CDH13: variants seen among roughly 807,000 people sequenced by gnomAD.
The protein encoded by CDH13 is cadherin 13, also known as cadherin-13.
Under a neutral mutation model 63.8 loss-of-function variants are expected in CDH13, and 24 were observed. That is an observed-to-expected ratio of 0.38 (90% CI 0.27 to 0.53). The LOEUF (loss-of-function observed/expected upper bound fraction) is 0.53. Among genes scored for constraint, CDH13 ranks in the 20% least tolerant of loss-of-function variants. The pLI is 0.85. For synonymous variants in CDH13, 503 were observed against 355.3 expected, an observed-to-expected ratio of 1.42 and a Z score of -4.67; for missense variants, 1,049 against 903.1, an observed-to-expected ratio of 1.16 and a Z score of -2.07.
chr16:83,485,053 T>C (rs1426300419), intron 6 of CDH13, among the ~76,000 whole-genome samples: 1 of 152,160 alleles, frequency 6.6e-6, no homozygotes, highest in Non-Finnish European at 1.5e-5. Flanking sequence ...AATTAATATA[T>C]CTTGAAGAGT....
chr16:83,018,773 A>T (rs1037856143), intron 2 of CDH13, among the ~76,000 whole-genome samples: 22 of 152,364 alleles, frequency 1.4e-4, no homozygotes, highest in South Asian at 2.1e-4. Context: ...GGCTACTAAC[A>T]TATATAGCAC....
intron 10 of CDH13, among the ~76,000 whole-genome samples, chr16:83,700,878 C>G (rs529756829): frequency 1.3e-5 from 2 of 152,152 alleles, no homozygotes; most frequent in African/African-American, 4.8e-5. Flanking sequence ...TCCTGGGGAG[C>G]TGAGTTGTGT....
At chr16:83,059,164 G>A (rs1374559459) in intron 3 of CDH13, among the ~76,000 whole-genome samples, 1 of 152,088 alleles carries the variant, frequency 6.6e-6, no homozygotes, top group Non-Finnish European at 1.5e-5. Flanking sequence ...CTGTACACAG[G>A]GGCTTCATTT....
At chr16:83,463,905 A>G (rs141302731) in intron 6 of CDH13, among the ~76,000 whole-genome samples, 1 of 152,196 alleles carries the variant, frequency 6.6e-6, no homozygotes. Flanking sequence ...AAGACAGTGC[A>G]GTCCTTCTGT....
At chr16:83,733,617 A>G (rs575268400) in intron 10 of CDH13, among the ~76,000 whole-genome samples, 6 of 152,262 alleles carry the variant, frequency 3.9e-5, no homozygotes, top group South Asian at 4.2e-4. Flanking sequence ...GAAAGTGGCA[A>G]TATCCATGCT....
rs150464811 is a variant in CDH13, at chr16:82,664,596, A to C, written c.45+37459A>C. Among the ~76,000 whole-genome samples, 886 of 152,314 alleles carry C rather than the reference A, an allele frequency of 5.8e-3. 13 individuals carry two copies. Among genetic ancestry groups the C allele is most frequent in the African/African-American group, 0.02 (837 of 41,568 alleles). On this transcript the variant is annotated intron_variant, in intron 1 of 13. Coordinates refer to ENST00000567109, the MANE Select transcript of CDH13 (RefSeq NM_001257.5). Reference sequence around the variant, plus strand: ...CCTTTACATTTGATGACTGGGAGAAAGGACCCAAGTTTTTCCTGTGTGTTT... The same window carrying C: ...CCTTTACATTTGATGACTGGGAGAACGGACCCAAGTTTTTCCTGTGTGTTT...
intron 1 of CDH13, among the ~76,000 whole-genome samples, chr16:82,666,147 C>CA (rs1309172277): frequency 2.0e-5 from 3 of 151,832 alleles, no homozygotes; most frequent in Middle Eastern, 3.4e-3. Context: ...GTTTTTTTGC[C>CA]AAAAAATATA....
chr16:83,791,172 C>T (rs1204011032), intron 13 of CDH13, among the ~76,000 whole-genome samples: 1 of 151,922 alleles, frequency 6.6e-6, no homozygotes, highest in East Asian at 1.9e-4. Context: ...GAAAAAAAAG[C>T]CCCACCCCAT....
At chr16:83,463,824 G>A (rs1465115314) in intron 6 of CDH13, among the ~76,000 whole-genome samples, 1 of 152,056 alleles carries the variant, frequency 6.6e-6, no homozygotes, top group Non-Finnish European at 1.5e-5. Context: ...CAAAGAAAGT[G>A]GCTTGGAGCA....
At chr16:83,436,474 T>TA (rs60903960) in intron 6 of CDH13, among the ~76,000 whole-genome samples, 4,555 of 148,384 alleles carry the variant, frequency 0.031, 195 homozygotes, top group African/African-American at 0.097. Flanking sequence ...TGAATCTAAT[T>TA]AAAAAAAAAA....
intron 2 of CDH13, among the ~76,000 whole-genome samples, chr16:82,967,264 C>A (rs571238465): frequency 1.3e-5 from 2 of 152,290 alleles, no homozygotes; most frequent in African/African-American, 4.8e-5. Context: ...CCTCTACCTC[C>A]ACATTTTAGG....
intron 3 of CDH13, among the ~76,000 whole-genome samples, chr16:83,034,488 T>C (rs992865364): frequency 6.6e-6 from 1 of 152,224 alleles, no homozygotes; most frequent in Non-Finnish European, 1.5e-5. Context: ...TACTTAGCCA[T>C]GACCAATGGT....
At chr16:82,987,841 C>T (rs1911145451) in intron 2 of CDH13, among the ~76,000 whole-genome samples, 2 of 152,136 alleles carry the variant, frequency 1.3e-5, no homozygotes, top group African/African-American at 4.8e-5. Context: ...GTTGGGTTGC[C>T]CCATCTCTTG....
intron 7 of CDH13, among the ~76,000 whole-genome samples, chr16:83,489,473 A>T (rs1336083629): frequency 1.3e-5 from 2 of 152,198 alleles, no homozygotes; most frequent in Admixed American, 6.5e-5. Flanking sequence ...AAGGAAAGAA[A>T]TGTCCCTAAA....
At chr16:82,922,237 G>A (rs4273030) in intron 2 of CDH13, among the ~76,000 whole-genome samples, 54,395 of 151,932 alleles carry the variant, frequency 0.36, 10,746 homozygotes, top group Non-Finnish European at 0.45. Flanking sequence ...GATTTTCTCT[G>A]ATGCATTTGT....
chr16:83,090,745 A>G (rs2033866219), intron 3 of CDH13, among the ~76,000 whole-genome samples: 2 of 152,186 alleles, frequency 1.3e-5, no homozygotes, highest in South Asian at 2.1e-4. Context: ...TAAAACAACA[A>G]TTAGACCCTT....
chr16:83,760,082 T>C (rs1374508979), intron 11 of CDH13, among the ~76,000 whole-genome samples: 4 of 152,030 alleles, frequency 2.6e-5, no homozygotes, highest in Non-Finnish European at 5.9e-5. Flanking sequence ...CTCAACTTAA[T>C]TAAATAAAGA....
intron 2 of CDH13, among the ~76,000 whole-genome samples, chr16:82,932,771 A>G (rs1357165022): frequency 6.6e-6 from 1 of 152,222 alleles, no homozygotes. Context: ...TTCAGAAGTG[A>G]AAAATAATTT....
At chr16:82,648,013 C>T (rs1424327960) in intron 1 of CDH13, among the ~76,000 whole-genome samples, 1 of 152,156 alleles carries the variant, frequency 6.6e-6, no homozygotes, top group South Asian at 2.1e-4. Flanking sequence ...GGGCAGTTCC[C>T]CTGCACATGC....
Sources: gnomAD v4.1 joint callset for allele counts (sites outside exome capture counted in the v4.1 genomes callset) on GRCh38, gnomAD v4.1.1 for gene constraint, MANE v1.5 for transcripts, NCBI Gene and HGNC (gene_info 2026-07-23, HGNC 2026-07-21) for gene names.